TTC29: variants seen among roughly 807,000 people sequenced by gnomAD.
TTC29 encodes the protein tetratricopeptide repeat protein 29.
Under a neutral mutation model 58.1 loss-of-function variants are expected in TTC29, and 49 were observed. The ratio of observed to expected loss-of-function variants is 0.84; its 90% CI spans 0.67 to 1.07. The LOEUF (loss-of-function observed/expected upper bound fraction) is 1.07, where lower values mean the gene tolerates loss of function less well. TTC29 is among the 50% of genes least tolerant of loss of function. The pLI, the probability that TTC29 is intolerant of heterozygous loss-of-function variation, is 0.00. For missense variants in TTC29, 582 were observed against 555.6 expected (o/e 1.05, Z -0.48); for synonymous variants, 209 against 196.8 (o/e 1.06, Z -0.52).
At chr4:146,916,728 C>T (rs1734246317) in intron 4 of TTC29, among the ~76,000 whole-genome samples, 1 of 151,346 alleles carries the variant, frequency 6.6e-6, no homozygotes, top group South Asian at 2.1e-4. Context: ...TTTCACTATC[C>T]ATCCTAATAC....
chr4:146,787,725 T>C (rs965370990), intron 11 of TTC29, among the ~76,000 whole-genome samples: 6 of 152,138 alleles, frequency 3.9e-5, no homozygotes, highest in African/African-American at 1.4e-4. Flanking sequence ...TGGGAGGGTA[T>C]TGATTGGAGT....
intron 6 of TTC29, among the ~76,000 whole-genome samples, chr4:146,877,098 T>A (rs1199326300): frequency 6.6e-6 from 1 of 152,106 alleles, no homozygotes; most frequent in Non-Finnish European, 1.5e-5. Context: ...GATAGGAGAC[T>A]GCAGGCCATG....
At chr4:146,790,815 G>A (rs557223833) in intron 11 of TTC29, among the ~76,000 whole-genome samples, 4 of 152,178 alleles carry the variant, frequency 2.6e-5, no homozygotes, top group Non-Finnish European at 5.9e-5. Context: ...GCACCAGGCA[G>A]GGTTCTGTAT....
At chr4:146,852,063 G>A (rs1579829895) in intron 8 of TTC29, among the ~76,000 whole-genome samples, 1 of 152,138 alleles carries the variant, frequency 6.6e-6, no homozygotes. Context: ...AGCCAACCGA[G>A]TAGCTGGGAC....
At chr4:146,794,927 T>A (rs1749735289) in intron 11 of TTC29, among the ~76,000 whole-genome samples, 1 of 152,056 alleles carries the variant, frequency 6.6e-6, no homozygotes, top group African/African-American at 2.4e-5. Context: ...TAACTCAGCT[T>A]TTTCTCCTTT....
chr4:146,721,594 T>G (rs1193244992), intron 11 of TTC29, among the ~76,000 whole-genome samples: 1 of 152,186 alleles, frequency 6.6e-6, no homozygotes, highest in Non-Finnish European at 1.5e-5. Flanking sequence ...AAAATGTTAG[T>G]TGGCACATAG....
chr4:146,794,994 CT>C (rs2150108024), intron 11 of TTC29, among the ~76,000 whole-genome samples: 1 of 152,200 alleles, frequency 6.6e-6, no homozygotes, highest in African/African-American at 2.4e-5. Context: ...AGAAATAGCA[CT>C]TAAGTGAACT....
At chr4:146,852,474 T>A (rs574398596) in intron 8 of TTC29, among the ~76,000 whole-genome samples, 9 of 152,336 alleles carry the variant, frequency 5.9e-5, no homozygotes, top group Admixed American at 3.9e-4. Context: ...TGTCTCAGCC[T>A]TCTTTTCAAA....
chr4:146,896,176 T>C (rs1179943441), intron 6 of TTC29, among the ~76,000 whole-genome samples: 3 of 152,182 alleles, frequency 2.0e-5, no homozygotes, highest in African/African-American at 7.2e-5. Context: ...TATCTTTTGT[T>C]GGGCTCCAGA....
intron 8 of TTC29, among the ~76,000 whole-genome samples, chr4:146,837,977 G>A (rs1728620088): frequency 1.3e-5 from 2 of 151,990 alleles, no homozygotes; most frequent in Non-Finnish European, 2.9e-5. Context: ...GATAACCAAA[G>A]TTACCAAAGT....
chr4:146,766,366 TA>T (rs1561104707), intron 11 of TTC29, among the ~76,000 whole-genome samples: 1 of 152,098 alleles, frequency 6.6e-6, no homozygotes. Context: ...ATGATTTTCA[TA>T]GCTGTTTCTT....
intron 6 of TTC29, among the ~76,000 whole-genome samples, chr4:146,887,886 T>C (rs537476045): frequency 2.0e-5 from 3 of 152,104 alleles, no homozygotes; most frequent in Admixed American, 6.6e-5. Context: ...CAAGCTACTG[T>C]TCTTCAAAGT....
intron 2 of TTC29, chr4:146,942,579 C>G (rs548166714): frequency 6.5e-7 from 1 of 1,530,198 alleles, no homozygotes; most frequent in East Asian, 2.4e-5. Context: ...CTCCCAAGAG[C>G]TTACTTCAGA....
At chr4:146,731,639 C>T (rs548801139) in intron 11 of TTC29, among the ~76,000 whole-genome samples, 78 of 152,186 alleles carry the variant, frequency 5.1e-4, no homozygotes, top group African/African-American at 1.8e-3. Context: ...CTCAGGAAAA[C>T]GTATGTTTTT....
intron 6 of TTC29, among the ~76,000 whole-genome samples, chr4:146,880,477 C>T (rs1267620809): frequency 1.3e-5 from 2 of 152,126 alleles, no homozygotes; most frequent in African/African-American, 4.8e-5. Context: ...CTGCAAAATG[C>T]TTGGTAGAAT....
intron 11 of TTC29, among the ~76,000 whole-genome samples, chr4:146,719,870 G>A (rs1743230757): frequency 6.6e-6 from 1 of 152,050 alleles, no homozygotes; most frequent in Non-Finnish European, 1.5e-5. Flanking sequence ...GTTTTCATTG[G>A]AGCTCACTGC....
intron 11 of TTC29, among the ~76,000 whole-genome samples, chr4:146,725,332 T>A (rs1743696595): frequency 6.6e-6 from 1 of 152,056 alleles, no homozygotes. Context: ...TCAAGAATTC[T>A]GAGCCAGGCT....
chr4:146,876,661 G>A (rs2150225703), intron 6 of TTC29, among the ~76,000 whole-genome samples: 1 of 152,280 alleles, frequency 6.6e-6, no homozygotes, highest in Non-Finnish European at 1.5e-5. Context: ...GACAGGCCAG[G>A]CACAGTGGCT....
intron 10 of TTC29, among the ~76,000 whole-genome samples, chr4:146,806,308 G>A (rs1383147582): frequency 2.0e-5 from 3 of 152,204 alleles, no homozygotes; most frequent in Non-Finnish European, 4.4e-5. Context: ...TCAACACTAT[G>A]AAGAAACTGC....
Sources: allele counts gnomAD v4.1 joint callset (sites outside exome capture counted in the v4.1 genomes callset), GRCh38; gene constraint gnomAD v4.1.1; transcripts MANE v1.5; gene names NCBI Gene and HGNC (gene_info 2026-07-23, HGNC 2026-07-21).